Variants in KATNIP observed in about 807,000 individuals in gnomAD.
The protein encoded by KATNIP is katanin interacting protein.
Under a neutral mutation model 174.0 loss-of-function variants are expected in KATNIP, and 126 were observed. The ratio of observed to expected loss-of-function variants is 0.72; its 90% CI spans 0.63 to 0.84. The LOEUF (loss-of-function observed/expected upper bound fraction) is 0.84. KATNIP is among the 40% of genes least tolerant of loss of function. KATNIP has a pLI of 0.00. For missense variants in KATNIP, 1,958 were observed against 2,109.7 expected, an observed-to-expected ratio of 0.93 and a Z score of 1.41; for synonymous variants, 810 against 835.7, an observed-to-expected ratio of 0.97 and a Z score of 0.53.
At chr16:27,655,380 C>T (rs977625997) in intron 6 of KATNIP, among the ~76,000 whole-genome samples, 11 of 149,464 alleles carry the variant, frequency 7.4e-5, no homozygotes, top group Admixed American at 2.7e-4. Flanking sequence ...GTTACAGGTA[C>T]GCACCACCAT....
At chr16:27,608,750 T>C (rs1056768813) in intron 2 of KATNIP, among the ~76,000 whole-genome samples, 2 of 152,174 alleles carry the variant, frequency 1.3e-5, no homozygotes, top group African/African-American at 4.8e-5. Context: ...AGGGCCAGCA[T>C]TGGGGATAAA....
At chr16:27,669,361 G>T (rs150674739) in intron 6 of KATNIP, 1 of 958,720 alleles carries the variant, frequency 1.0e-6, no homozygotes, top group Non-Finnish European at 1.2e-6. Context: ...CCTGTCATCC[G>T]ATCTCCACCT....
Position 27,655,229 on chromosome 16 carries a change from T to TG in KATNIP, c.540+6494_540+6495insG, listed in dbSNP as rs1399055217. Among the ~76,000 whole-genome samples the TG allele has an allele frequency of 8.9e-4, 98 of 110,258 alleles. 1 individual carries two copies. Among genetic ancestry groups the TG allele is most frequent in the African/African-American group, 3.1e-3 (90 of 29,026 alleles). The allele number at this position is 110,258 out of a possible 152,430, so 72.3% of individuals were successfully genotyped here. A position where few individuals can be genotyped will look rare whatever the true frequency, so the allele number is the denominator to read the frequency against. On this transcript the variant is annotated intron_variant, in intron 6 of 27. Transcript: ENST00000261588. The stretch of plus-strand genomic sequence containing the variant: ...ATATATATATATATATATATATATA[T>TG]TTTGTTTGTTTGTTTGTTTAAAGAG...
At chr16:27,690,683 T>C (rs2078699029) in intron 8 of KATNIP, among the ~76,000 whole-genome samples, 1 of 152,238 alleles carries the variant, frequency 6.6e-6, no homozygotes, top group Non-Finnish European at 1.5e-5. Flanking sequence ...AGTGTGGACA[T>C]CTGAAGACAA....
Position 27,749,501 on chromosome 16 carries a change from A to C in KATNIP, c.2624-83A>C, listed in dbSNP as rs368860780. 188 of 1,458,100 alleles carry C rather than the reference A, an allele frequency of 1.3e-4. No individual in the cohort carries two copies. The African/African-American group carries it at 2.4e-3, about 18-fold the overall frequency. The allele number at this position is 1,458,100 out of a possible 1,614,324, so 90.3% of individuals were successfully genotyped here. A position where few individuals can be genotyped will look rare whatever the true frequency, so the allele number is the denominator to read the frequency against. On this transcript the variant is annotated intron_variant, in intron 15 of 27. Transcript: ENST00000261588. ...AGGTGGCCCTGCCTCACTGAGAGCC[A>C]CCACAGGAGACAGTCTCTAATGGTC... is the stretch of plus-strand genomic sequence containing the variant.
chr16:27,733,713 G>C (rs1258555622), intron 14 of KATNIP, among the ~76,000 whole-genome samples: 2 of 151,972 alleles, frequency 1.3e-5, no homozygotes, highest in African/African-American at 4.8e-5. Flanking sequence ...AAAGAGCCTG[G>C]GGTTAAAGCC....
intron 15 of KATNIP, among the ~76,000 whole-genome samples, chr16:27,742,527 G>A (rs1044008475): frequency 6.6e-6 from 1 of 152,176 alleles, no homozygotes; most frequent in African/African-American, 2.4e-5. Context: ...CCCATACCAC[G>A]TGGGAGCACA....
chr16:27,743,908 C>A (rs2081194225), intron 15 of KATNIP, among the ~76,000 whole-genome samples: 2 of 152,156 alleles, frequency 1.3e-5, no homozygotes, highest in Admixed American at 6.5e-5. Flanking sequence ...ACAGTCGGTG[C>A]AAAGCCTCCA....
intron 1 of KATNIP, among the ~76,000 whole-genome samples, chr16:27,557,897 CAAT>C (rs1473521466): frequency 6.6e-6 from 1 of 152,120 alleles, no homozygotes; most frequent in East Asian, 1.9e-4. Flanking sequence ...TTGAAAATAT[CAAT>C]AAAGTCTGTT....
Position 27,648,753 on chromosome 16 carries a change from C to T in KATNIP, c.540+18C>T, listed in dbSNP as rs774493089. The T allele has an allele frequency of 2.5e-6, 4 of 1,610,170 alleles. No individual in the cohort carries two copies. Among genetic ancestry groups the T allele is most frequent in the Non-Finnish European group, 8.5e-7 (1 of 1,178,286 alleles). ...GTCCGCAGGTAGGGATGGCCTTGGC[C>T]TTGTGCTCGGGACACCTGAAGGACG... On this transcript the variant is annotated intron_variant, in intron 6 of 27. Coordinates refer to ENST00000261588, the MANE Select transcript of KATNIP (RefSeq NM_015202.5).
chr16:27,582,412 G>A (rs2090733933), intron 2 of KATNIP, among the ~76,000 whole-genome samples: 1 of 152,216 alleles, frequency 6.6e-6, no homozygotes, highest in African/African-American at 2.4e-5. Context: ...GGGCAGAGAA[G>A]AACAAAATCT....
At chr16:27,750,753 T>TG (rs989702408) in intron 16 of KATNIP, among the ~76,000 whole-genome samples, 7 of 146,966 alleles carry the variant, frequency 4.8e-5, no homozygotes, top group Admixed American at 1.4e-4. Flanking sequence ...TTTTTTTTTT[T>TG]TTGGGTGGGG....
chr16:27,633,576 G>A (rs2076554161), intron 5 of KATNIP, among the ~76,000 whole-genome samples: 1 of 151,886 alleles, frequency 6.6e-6, no homozygotes, highest in South Asian at 2.1e-4. Context: ...TCAGGCATGA[G>A]CCTCCACGTC....
At chr16:27,641,432 C>A (rs1402436686) in intron 5 of KATNIP, among the ~76,000 whole-genome samples, 1 of 152,156 alleles carries the variant, frequency 6.6e-6, no homozygotes, top group Non-Finnish European at 1.5e-5. Flanking sequence ...CACCCAATCA[C>A]TGGGGGGACA....
intron 11 of KATNIP, 24 bp downstream of exon 11, chr16:27,701,719 C>T (rs374293100): frequency 7.2e-5 from 110 of 1,519,554 alleles, no homozygotes; most frequent in Middle Eastern, 3.4e-4. Flanking sequence ...TGAGGCCAAA[C>T]CCGAAACCCC....
In KATNIP at chr16:27,618,496, G is replaced by A. The variant is rs745620165; in HGVS notation, c.135G>A (p.Arg45=). ...HDEYLILLQQ[R]NRILKHLKSK... ...AGTATTTAATATTGCTTCAGCAGAG[G>A]AACCGGTAAGAGAAGCCACTCGACG... Residue 45 remains arginine (R), a synonymous_variant, in exon 3 of 28, where the codon AGG becomes AGA. Coordinates refer to ENST00000261588, the MANE Select transcript of KATNIP (RefSeq NM_015202.5). 8.7e-6 allele frequency: 14 copies of A among 1,609,014 alleles called. No homozygotes were observed. The African/African-American group carries it at 9.4e-5, about 11-fold the overall frequency.
At chr16:27,631,257 G>C in intron 5 of KATNIP, 95 bp downstream of exon 5, 1 of 968,544 alleles carries the variant, frequency 1.0e-6, no homozygotes, top group Non-Finnish European at 1.6e-6. Context: ...AACCCCCATG[G>C]GCCAGGCACA....
At chr16:27,589,978 T>C (rs1596823353) in intron 2 of KATNIP, among the ~76,000 whole-genome samples, 1 of 152,044 alleles carries the variant, frequency 6.6e-6, no homozygotes, top group Non-Finnish European at 1.5e-5. Flanking sequence ...GGTTTCACCA[T>C]GTTGGCCAGG....
intron 15 of KATNIP, among the ~76,000 whole-genome samples, chr16:27,748,512 G>A (rs1046694073): frequency 6.6e-6 from 1 of 152,220 alleles, no homozygotes; most frequent in Non-Finnish European, 1.5e-5. Flanking sequence ...GATCACCTGA[G>A]CCTGGGAGGT....
Sources: gnomAD v4.1 joint callset for allele counts (sites outside exome capture counted in the v4.1 genomes callset) on GRCh38, gnomAD v4.1.1 for gene constraint, MANE v1.5 for transcripts, NCBI Gene and HGNC (gene_info 2026-07-23, HGNC 2026-07-21) for gene names.